The following XKR6 variants were observed in gnomAD, a reference collection of about 807,000 sequenced individuals.
XKR6 encodes XK-related protein 6.
Under a neutral mutation model 56.7 loss-of-function variants are expected in XKR6, and 22 were observed. The ratio of observed to expected loss-of-function variants is 0.39; its 90% CI spans 0.28 to 0.55. XKR6 has a LOEUF of 0.55. Ranked by LOEUF, XKR6 falls within the 20% of genes least tolerant of loss-of-function variation. XKR6 has a pLI of 0.66. For synonymous variants in XKR6, 524 were observed against 387.8 expected, an observed-to-expected ratio of 1.35 and a Z score of -4.13; for missense variants, 852 against 889.0, an observed-to-expected ratio of 0.96 and a Z score of 0.53.
intron 2 of XKR6, among the ~76,000 whole-genome samples, chr8:10,906,772 G>A (rs1174641461): frequency 1.3e-5 from 2 of 152,160 alleles, no homozygotes; most frequent in South Asian, 2.1e-4. Flanking sequence ...GGTGGCTCAC[G>A]CTTGTAATCC....
At chr8:11,101,073 C>T (rs557598943) in intron 1 of XKR6, among the ~76,000 whole-genome samples, 2 of 152,302 alleles carry the variant, frequency 1.3e-5, no homozygotes, top group South Asian at 4.1e-4. Context: ...AGCATACACA[C>T]GTGCACACAC....
At chr8:10,920,670 G>A (rs535484099) in intron 2 of XKR6, among the ~76,000 whole-genome samples, 2 of 152,228 alleles carry the variant, frequency 1.3e-5, no homozygotes, top group Non-Finnish European at 2.9e-5. Context: ...GTCTCGTGAT[G>A]AGGACACGAC....
intron 1 of XKR6, among the ~76,000 whole-genome samples, chr8:11,198,486 T>G (rs189126790): frequency 3.6e-4 from 54 of 151,570 alleles, no homozygotes; most frequent in African/African-American, 1.1e-3. Context: ...CACAGGCACT[T>G]TATATCAATG....
At chr8:11,058,089 C>A (rs750831389) in intron 1 of XKR6, among the ~76,000 whole-genome samples, 2 of 152,204 alleles carry the variant, frequency 1.3e-5, no homozygotes, top group African/African-American at 4.8e-5. Flanking sequence ...GACTAAATAT[C>A]GGACTGGGTC....
At chr8:10,992,892 C>G (rs1586403483) in intron 1 of XKR6, among the ~76,000 whole-genome samples, 1 of 152,230 alleles carries the variant, frequency 6.6e-6, no homozygotes, top group African/African-American at 2.4e-5. Flanking sequence ...CCGAATGGTG[C>G]TAACCAACCA....
intron 1 of XKR6, among the ~76,000 whole-genome samples, chr8:11,181,958 C>T (rs576012306): frequency 6.6e-6 from 1 of 152,240 alleles, no homozygotes; most frequent in African/African-American, 2.4e-5. Flanking sequence ...GCTCAAGCCA[C>T]ACTCCCATCT....
At chr8:10,927,325 G>A (rs543656770) in intron 1 of XKR6, among the ~76,000 whole-genome samples, 11 of 152,204 alleles carry the variant, frequency 7.2e-5, no homozygotes, top group South Asian at 6.2e-4. Flanking sequence ...CCTCAGTGCC[G>A]TGTGTCTCCC....
At position 11,200,836 on chromosome 8, in the gene XKR6, G is replaced by A. The variant is rs531031016; in HGVS notation, c.504C>T (p.Phe168=). 1.1e-5 allele frequency: 18 copies of A among 1,611,970 alleles called. No individual in the cohort carries two copies. In the African/African-American group the frequency reaches 1.2e-4, roughly 11 times the overall value. The change falls in exon 1 of 3, where the codon TTC becomes TTT. Residue 168 remains phenylalanine, a synonymous_variant. Coordinates refer to ENST00000416569, the MANE Select transcript of XKR6 (RefSeq NM_173683.4). This position sits in a 1 kb window ranked among gnomAD's most constrained non-coding sequence, Gnocchi z 6.4. ...GCACCAGCAGCGACGGCACCAGCAC[G>A]AAGAAGAGGGTCAGCCCGAAGTAGA... ...DYVYFGLTLF[F]VLVPSLLVQS... is the part of the protein sequence containing the mutation.
intron 2 of XKR6, among the ~76,000 whole-genome samples, chr8:10,902,733 A>T (rs941867025): frequency 2.0e-4 from 30 of 152,228 alleles, no homozygotes; most frequent in African/African-American, 6.8e-4. Context: ...CAAGACCAAG[A>T]AGAACACCTC....
At chr8:11,176,766 C>T (rs1404768528) in intron 1 of XKR6, among the ~76,000 whole-genome samples, 1 of 152,026 alleles carries the variant, frequency 6.6e-6, no homozygotes, top group Non-Finnish European at 1.5e-5. Context: ...AGAAAACCCC[C>T]ACCCCGCAAA....
intron 1 of XKR6, among the ~76,000 whole-genome samples, chr8:11,116,280 A>G (rs577728502): frequency 5.3e-5 from 8 of 152,310 alleles, no homozygotes; most frequent in African/African-American, 1.7e-4. Context: ...TTTCCACTCT[A>G]AGTCTTAAAC....
At chr8:11,159,891 G>A (rs367986399) in intron 1 of XKR6, among the ~76,000 whole-genome samples, 5 of 152,108 alleles carry the variant, frequency 3.3e-5, no homozygotes, top group Non-Finnish European at 7.4e-5. Context: ...ATGATGCTTA[G>A]ACCCGCTGCA....
intron 1 of XKR6, among the ~76,000 whole-genome samples, chr8:11,046,402 A>G (rs1180682511): frequency 6.6e-6 from 1 of 152,164 alleles, no homozygotes; most frequent in Admixed American, 6.5e-5. Context: ...TCTGTCTCAA[A>G]AGAAGAAAAA....
chr8:10,905,364 C>T (rs1025250783), intron 2 of XKR6, among the ~76,000 whole-genome samples: 30 of 152,204 alleles, frequency 2.0e-4, no homozygotes, highest in African/African-American at 6.8e-4. Context: ...TCCTTCTTCA[C>T]ACCCCACCCT....
intron 1 of XKR6, among the ~76,000 whole-genome samples, chr8:10,989,218 C>G (rs1797933136): frequency 6.6e-6 from 1 of 152,190 alleles, no homozygotes; most frequent in Admixed American, 6.5e-5. Context: ...GAATAAAAGA[C>G]CTATTTGCTT....
chr8:11,101,875 C>A (rs971011162), intron 1 of XKR6, among the ~76,000 whole-genome samples: 1 of 152,082 alleles, frequency 6.6e-6, no homozygotes, highest in Admixed American at 6.6e-5. Flanking sequence ...CATCTAGAAA[C>A]GCTCTCCTTC....
At chr8:10,919,043 A>T (rs766807986) in intron 2 of XKR6, among the ~76,000 whole-genome samples, 61 of 151,866 alleles carry the variant, frequency 4.0e-4, no homozygotes, top group Non-Finnish European at 6.8e-4. Flanking sequence ...AGCCCCTCCC[A>T]CTGCCCTTGG....
At chr8:11,190,238 G>C (rs1226137783) in intron 1 of XKR6, among the ~76,000 whole-genome samples, 1 of 143,912 alleles carries the variant, frequency 6.9e-6, no homozygotes, top group Non-Finnish European at 1.5e-5. Flanking sequence ...AAAGAAAAAA[G>C]AAAAAAGAAA....
intron 1 of XKR6, among the ~76,000 whole-genome samples, chr8:11,048,395 G>C (rs115462556): frequency 6.6e-6 from 1 of 152,046 alleles, no homozygotes; most frequent in Non-Finnish European, 1.5e-5. Context: ...TTCTCTCCCC[G>C]CCCCGCCCAC....
Sources: gnomAD v4.1 joint callset for allele counts (sites outside exome capture counted in the v4.1 genomes callset) on GRCh38, gnomAD v4.1.1 for gene constraint, Gnocchi (gnomAD v3.1) non-coding constraint, MANE v1.5 for transcripts, NCBI Gene and HGNC (gene_info 2026-07-23, HGNC 2026-07-21) for gene names.